CHL1: variants seen among roughly 807,000 people sequenced by gnomAD.
The protein encoded by CHL1 is cell adhesion molecule L1 like, also known as neural cell adhesion molecule L1-like protein.
Under a neutral mutation model 141.9 loss-of-function variants are expected in CHL1, and 96 were observed. That is an observed-to-expected ratio of 0.68 (90% CI 0.57 to 0.80). The LOEUF (loss-of-function observed/expected upper bound fraction) is 0.80, where lower values mean the gene tolerates loss of function less well. CHL1 is among the 30% of genes least tolerant of loss of function. The pLI, the probability that CHL1 is intolerant of heterozygous loss-of-function variation, is 0.00. For missense variants in CHL1, 1,820 were observed against 1,457.2 expected (o/e 1.25, Z -4.05); for synonymous variants, 613 against 502.2 (o/e 1.22, Z -2.95).
intron 13 of CHL1, among the ~76,000 whole-genome samples, chr3:362,354 T>C: frequency 6.6e-6 from 1 of 152,210 alleles, no homozygotes; most frequent in East Asian, 1.9e-4. Flanking sequence ...GTCATTGGTC[T>C]GTAGGGCAGT....
Position 379,807 on chromosome 3 carries a change from C to T in CHL1, c.1876+1865C>T, listed in dbSNP as rs1161673967. On this transcript the variant is annotated intron_variant, in intron 16 of 27. Coordinates refer to ENST00000256509, the MANE Select transcript of CHL1 (RefSeq NM_006614.4). ...GAATATTATGTTTAAAATTTACATT[C>T]TTTTATTTTTTAGACAAACTTCTGA... is the stretch of plus-strand genomic sequence containing the variant. Among the ~76,000 whole-genome samples the T allele has an allele frequency of 2.0e-5, 3 of 151,886 alleles. No individual in the cohort carries two copies. In the East Asian group the frequency reaches 5.8e-4, roughly 29 times the overall value.
Position 390,954 on chromosome 3 carries a change from G to T in CHL1, c.2587-1G>T. On this transcript the variant is annotated splice_acceptor_variant, in intron 21 of 27. Transcript: ENST00000256509. LOFTEE classifies it high-confidence loss of function. ...CTAAAAGATTTTGGTTTTCATTGCAGATAAATTGGTGGAAAACAAAAAGTC... is the reference window on the plus strand; with the variant it reads ...CTAAAAGATTTTGGTTTTCATTGCATATAAATTGGTGGAAAACAAAAAGTC... 1.2e-6 allele frequency: 2 copies of T among 1,613,140 alleles called. No individual in the cohort carries two copies. The highest frequency in any genetic ancestry group is 1.1e-5 in the South Asian group (1 of 91,042).
At chr3:290,393 A>G (rs568809089) in intron 2 of CHL1, among the ~76,000 whole-genome samples, 36 of 152,224 alleles carry the variant, frequency 2.4e-4, no homozygotes, top group African/African-American at 8.4e-4. Flanking sequence ...AAATAGCTGT[A>G]TTTGCAAATA....
Position 382,534 on chromosome 3 carries a change from G to C in CHL1, c.2039G>C (p.Arg680Thr). 6.2e-7 allele frequency: 1 copy of C among 1,613,866 alleles called. No homozygotes were observed. The highest frequency in any genetic ancestry group is 8.5e-7 in the Non-Finnish European group (1 of 1,179,850). The change falls in exon 18 of 28, where the codon AGA becomes ACA. Residue 680 changes from arginine to threonine, a missense_variant. Coordinates refer to ENST00000256509, the MANE Select transcript of CHL1 (RefSeq NM_006614.4). ...EEPGRWEELT[R>T]VQGKKTTVIL... ...CCTGGAAGGTGGGAGGAACTGACCA[G>C]AGTCCAAGGAAAGAAAACCACAGTT... is the stretch of plus-strand genomic sequence containing the variant.
chr3:386,387 G>C (rs1354024252), intron 19 of CHL1, among the ~76,000 whole-genome samples: 2 of 152,262 alleles, frequency 1.3e-5, no homozygotes, highest in South Asian at 2.1e-4. Flanking sequence ...AGGCTTTTTA[G>C]TTAGCATTAC....
chr3:388,920 A>G (rs1233172244), intron 19 of CHL1, among the ~76,000 whole-genome samples: 1 of 152,230 alleles, frequency 6.6e-6, no homozygotes, highest in African/African-American at 2.4e-5. Flanking sequence ...ATGTAGTGGA[A>G]AGCATAAGCA....
chr3:343,118 A>G (rs1384237995), intron 8 of CHL1, 87 bp downstream of exon 8: 3 of 1,001,116 alleles, frequency 3.0e-6, no homozygotes, highest in African/African-American at 3.3e-5. Context: ...TATCCTCTTA[A>G]GTTTATTACA....
intron 2 of CHL1, among the ~76,000 whole-genome samples, chr3:276,446 G>C (rs1696106917): frequency 6.6e-6 from 1 of 152,196 alleles, no homozygotes; most frequent in South Asian, 2.1e-4. Flanking sequence ...TTTGCAGCAT[G>C]ATTGGAATCC....
At chr3:227,786 C>T (rs1491001220) in intron 1 of CHL1, among the ~76,000 whole-genome samples, 1 of 152,186 alleles carries the variant, frequency 6.6e-6, no homozygotes, top group East Asian at 1.9e-4. Flanking sequence ...CCTTGAGATA[C>T]CTGCACTCAT....
rs553092997 is a variant in CHL1, at chr3:307,811, G to A, written c.-94-11872G>A. On this transcript the variant is annotated intron_variant, in intron 2 of 27. Transcript: ENST00000256509. The stretch of plus-strand genomic sequence containing the variant: ...TTGACTAGAGATTTAGAAGAGTTTT[G>A]TTTAAGACCTTTTGAATATTGACTG... Among the ~76,000 whole-genome samples, 8 of 152,300 alleles carry A rather than the reference G, an allele frequency of 5.3e-5. No individual in the cohort carries two copies. In the South Asian group the frequency reaches 1.7e-3, roughly 32 times the overall value.
chr3:364,545 G>C (rs912339697), intron 14 of CHL1, among the ~76,000 whole-genome samples: 2 of 152,190 alleles, frequency 1.3e-5, no homozygotes, highest in Non-Finnish European at 2.9e-5. Context: ...TGGCCAGAGA[G>C]ATGGACAAGT....
intron 15 of CHL1, among the ~76,000 whole-genome samples, chr3:368,575 G>C (rs561663836): frequency 6.6e-6 from 1 of 152,174 alleles, no homozygotes; most frequent in East Asian, 1.9e-4. Flanking sequence ...TTCTTTTGCT[G>C]TGCAGAAGTG....
intron 2 of CHL1, among the ~76,000 whole-genome samples, chr3:262,926 A>T (rs1694857274): frequency 6.6e-6 from 1 of 152,166 alleles, no homozygotes; most frequent in South Asian, 2.1e-4. Context: ...CTCCCATTCA[A>T]CTATCAGGTG....
intron 26 of CHL1, among the ~76,000 whole-genome samples, chr3:400,268 G>T (rs1044172351): frequency 1.3e-5 from 2 of 152,308 alleles, no homozygotes; most frequent in South Asian, 2.1e-4. Flanking sequence ...TTTGTAAAAT[G>T]ACATGCATAA....
At chr3:337,137 T>C (rs1289089945) in intron 5 of CHL1, among the ~76,000 whole-genome samples, 3 of 151,872 alleles carry the variant, frequency 2.0e-5, no homozygotes, top group Non-Finnish European at 4.4e-5. Context: ...AGAAAGGAAA[T>C]TGATCTCATC....
intron 1 of CHL1, among the ~76,000 whole-genome samples, chr3:242,361 CT>C (rs1692679259): frequency 2.0e-5 from 3 of 146,834 alleles, no homozygotes; most frequent in Admixed American, 6.9e-5. Context: ...CTTTGGGAGG[CT>C]GAGGGGGGCA....
intron 14 of CHL1, chr3:363,734 G>T: frequency 5.9e-6 from 1 of 170,350 alleles, no homozygotes; most frequent in Admixed American, 5.8e-5. Flanking sequence ...TCAAGTTTTT[G>T]AGCTAAAGAT....
chr3:238,602 C>T (rs1414058877), intron 1 of CHL1, among the ~76,000 whole-genome samples: 1 of 151,972 alleles, frequency 6.6e-6, no homozygotes, highest in Non-Finnish European at 1.5e-5. Context: ...ACTTAAGGAA[C>T]TCAAAATCTT....
At position 259,664 on chromosome 3, in the gene CHL1, A is replaced by G. The variant is rs560822996; in HGVS notation, c.-95+14972A>G. On this transcript the variant is annotated intron_variant, in intron 2 of 27. Transcript: ENST00000256509. Reference sequence around the variant, plus strand: ...AGCTCTTATTACTTCCAAGCATTTTATATCTTTTTATTTATGTATTACAAG... The same window carrying G: ...AGCTCTTATTACTTCCAAGCATTTTGTATCTTTTTATTTATGTATTACAAG... Among the ~76,000 whole-genome samples, 6 of 151,884 alleles carry G rather than the reference A, an allele frequency of 4.0e-5. No homozygotes were observed. In the East Asian group the frequency reaches 1.2e-3, roughly 29 times the overall value.
Sources: gnomAD v4.1 joint callset for allele counts (sites outside exome capture counted in the v4.1 genomes callset) on GRCh38, gnomAD v4.1.1 for gene constraint, MANE v1.5 for transcripts, NCBI Gene and HGNC (gene_info 2026-07-23, HGNC 2026-07-21) for gene names.